PTPRD: variants seen among roughly 807,000 people sequenced by gnomAD.
The protein encoded by PTPRD is protein tyrosine phosphatase receptor type D, also known as receptor-type tyrosine-protein phosphatase delta.
In PTPRD, 34 loss-of-function variants were observed where a neutral mutation model predicts 214.5. The ratio of observed to expected loss-of-function variants is 0.16; its 90% CI spans 0.12 to 0.21. The LOEUF (loss-of-function observed/expected upper bound fraction) is 0.21, where lower values mean the gene tolerates loss of function less well. Ranked by LOEUF, PTPRD falls within the 10% of genes least tolerant of loss-of-function variation. The probability of loss-of-function intolerance (pLI) is 1.00; values close to 1 mark genes in which losing one functional copy is unlikely to be tolerated. For missense variants in PTPRD, 2,545 were observed against 2,398.7 expected, an observed-to-expected ratio of 1.06 and a Z score of -1.27; for synonymous variants, 1,128 against 845.7, an observed-to-expected ratio of 1.33 and a Z score of -5.79.
At chr9:8,366,069 T>C (rs957759224) in intron 39 of PTPRD, among the ~76,000 whole-genome samples, 1 of 152,174 alleles carries the variant, frequency 6.6e-6, no homozygotes, top group Non-Finnish European at 1.5e-5. Context: ...GAAACAGAAA[T>C]ACGGTTATAG....
intron 2 of PTPRD, among the ~76,000 whole-genome samples, chr9:10,368,572 C>T (rs1465419567): frequency 1.3e-5 from 2 of 151,922 alleles, no homozygotes; most frequent in East Asian, 1.9e-4. Context: ...ATGCAGGATA[C>T]AGAAATATTA....
chr9:8,439,935 ATTTTTTTTTTTTTTTTTTT>A (rs1166530719), intron 34 of PTPRD, among the ~76,000 whole-genome samples: 3 of 73,314 alleles, frequency 4.1e-5, no homozygotes, highest in East Asian at 4.9e-4. Context: ...ATGTGCTTTA[ATTTTTTTTTTTTTTTTTTT>A]TTTTTTTTTT....
intron 7 of PTPRD, among the ~76,000 whole-genome samples, chr9:9,658,094 GT>G (rs2096555541): frequency 6.6e-6 from 1 of 152,008 alleles, no homozygotes; most frequent in Non-Finnish European, 1.5e-5. Context: ...TGTATTACAG[GT>G]GCTGTTTTAT....
At chr9:10,461,319 C>T (rs1053895477) in intron 2 of PTPRD, among the ~76,000 whole-genome samples, 1 of 143,560 alleles carries the variant, frequency 7.0e-6, no homozygotes, top group Non-Finnish European at 1.5e-5. Context: ...TGTCAGATTT[C>T]TAATGAAATT....
intron 2 of PTPRD, among the ~76,000 whole-genome samples, chr9:10,598,828 G>A (rs1178253350): frequency 6.6e-6 from 1 of 151,358 alleles, no homozygotes; most frequent in Non-Finnish European, 1.5e-5. Flanking sequence ...GAGAGTAAAG[G>A]AGACTAGTAG....
At chr9:8,479,248 T>C (rs1207173659) in intron 30 of PTPRD, among the ~76,000 whole-genome samples, 2 of 152,172 alleles carry the variant, frequency 1.3e-5, no homozygotes, top group Admixed American at 6.5e-5. Context: ...TAAATAGAAA[T>C]CATCTAAGGC....
chr9:8,521,084 A>C (rs964554821), intron 20 of PTPRD, among the ~76,000 whole-genome samples, 193 bp downstream of exon 20: 1 of 152,158 alleles, frequency 6.6e-6, no homozygotes, highest in African/African-American at 2.4e-5. Context: ...AGGCTGCCAG[A>C]TACTTCCAAG....
At chr9:9,434,874 ATT>A (rs1312466425) in intron 8 of PTPRD, among the ~76,000 whole-genome samples, 1 of 148,448 alleles carries the variant, frequency 6.7e-6, no homozygotes, top group Non-Finnish European at 1.5e-5. Context: ...TATAATATAT[ATT>A]GTTATATATT....
chr9:9,167,591 C>T (rs983404023), intron 10 of PTPRD, among the ~76,000 whole-genome samples: 3 of 151,788 alleles, frequency 2.0e-5, no homozygotes, highest in Non-Finnish European at 2.9e-5. Context: ...TCTGTCCCTA[C>T]TAAAAATACA....
chr9:8,507,660 G>T (rs1188829379), intron 21 of PTPRD, among the ~76,000 whole-genome samples: 2 of 152,184 alleles, frequency 1.3e-5, no homozygotes, highest in South Asian at 2.1e-4. Context: ...AGATATAGTA[G>T]AACTAATAAG....
At chr9:9,272,267 G>C (rs1243740730) in intron 9 of PTPRD, among the ~76,000 whole-genome samples, 2 of 151,148 alleles carry the variant, frequency 1.3e-5, no homozygotes, top group Non-Finnish European at 3.0e-5. Context: ...CTGAGAGATT[G>C]ATATGCAGGC....
chr9:9,395,114 T>G (rs1334581300), intron 9 of PTPRD, among the ~76,000 whole-genome samples: 1 of 151,388 alleles, frequency 6.6e-6, no homozygotes. Flanking sequence ...TTTCTTCCTT[T>G]CCCTTCCTCC....
intron 4 of PTPRD, among the ~76,000 whole-genome samples, chr9:10,005,291 T>C (rs1198573502): frequency 6.6e-6 from 1 of 152,092 alleles, no homozygotes; most frequent in African/African-American, 2.4e-5. Context: ...ATGATTCTGA[T>C]ACTAGGCTTT....
chr9:8,724,752 G>A (rs2098539424), intron 12 of PTPRD, among the ~76,000 whole-genome samples: 1 of 151,718 alleles, frequency 6.6e-6, no homozygotes, highest in East Asian at 1.9e-4. Flanking sequence ...TGGGCAACAT[G>A]AGGAAACCCC....
intron 14 of PTPRD, among the ~76,000 whole-genome samples, chr9:8,585,145 C>T (rs1442324527): frequency 2.6e-5 from 4 of 152,132 alleles, no homozygotes; most frequent in East Asian, 1.9e-4. Context: ...ATGCTTGCCA[C>T]GTGAAATTTT....
chr9:9,270,746 C>T (rs1942527539), intron 9 of PTPRD, among the ~76,000 whole-genome samples: 2 of 151,494 alleles, frequency 1.3e-5, no homozygotes, highest in South Asian at 2.1e-4. Flanking sequence ...TTAGAGAGAG[C>T]ACTTTGACAT....
intron 2 of PTPRD, among the ~76,000 whole-genome samples, chr9:10,404,164 G>C (rs996073247): frequency 6.6e-6 from 1 of 151,566 alleles, no homozygotes; most frequent in Non-Finnish European, 1.5e-5. Flanking sequence ...CAATAAAGTT[G>C]ACAAAAAAAT....
In PTPRD at chr9:10,486,595, C is replaced by T. The variant is rs146588252; in HGVS notation, c.-600+125803G>A. Among the ~76,000 whole-genome samples, 489 of 152,138 alleles carry T rather than the reference C, an allele frequency of 3.2e-3. 4 individuals are homozygous for T. Among genetic ancestry groups the T allele is most frequent in the African/African-American group, 0.011 (445 of 41,518 alleles). On this transcript the variant is annotated intron_variant, in intron 2 of 45. Transcript: ENST00000381196. ...GGTAATTAATGAGTATATTATTTAA[C>T]GTCTATTTATTTGAACAGTTTCCTA...
chr9:9,503,707 TAACAAAAAG>T (rs2096493430), intron 8 of PTPRD, among the ~76,000 whole-genome samples: 1 of 151,670 alleles, frequency 6.6e-6, no homozygotes, highest in Non-Finnish European at 1.5e-5. Flanking sequence ...TGTCAAACTC[TAACAAAAAG>T]TAAATATATA....
Sources: allele counts gnomAD v4.1 joint callset (sites outside exome capture counted in the v4.1 genomes callset), GRCh38; gene constraint gnomAD v4.1.1; transcripts MANE v1.5; gene names NCBI Gene and HGNC (gene_info 2026-07-23, HGNC 2026-07-21).